The following SSBP2 variants were observed in gnomAD, a reference collection of about 807,000 sequenced individuals.
SSBP2 encodes single stranded DNA binding protein 2, also known as single-stranded DNA-binding protein 2.
SSBP2 carries 17 observed loss-of-function variants against 61.8 expected under a neutral mutation model. The observed-to-expected ratio is 0.28, with a 90% confidence interval of 0.19 to 0.41. SSBP2 has a LOEUF of 0.41. Among genes scored for constraint, SSBP2 ranks in the 10% least tolerant of loss-of-function variants. The pLI is 1.00. For synonymous variants in SSBP2, 139 were observed against 141.3 expected (o/e 0.98, Z 0.12); for missense variants, 310 against 458.7 (o/e 0.68, Z 2.96).
chr5:81,613,194 A>G (rs1017110155), intron 4 of SSBP2, among the ~76,000 whole-genome samples: 4 of 152,196 alleles, frequency 2.6e-5, no homozygotes, highest in Non-Finnish European at 5.9e-5. Context: ...CTTAAAACTA[A>G]TATTTAAATT....
At chr5:81,554,029 T>C (rs1772405592) in intron 4 of SSBP2, among the ~76,000 whole-genome samples, 1 of 152,088 alleles carries the variant, frequency 6.6e-6, no homozygotes, top group Non-Finnish European at 1.5e-5. Flanking sequence ...CATTAGAGAC[T>C]TCCTGAATAA....
At chr5:81,523,422 A>C (rs569120352) in intron 4 of SSBP2, among the ~76,000 whole-genome samples, 2 of 152,132 alleles carry the variant, frequency 1.3e-5, no homozygotes, top group Non-Finnish European at 2.9e-5. Context: ...TTGTTTCGAG[A>C]AAAAAATCTC....
intron 6 of SSBP2, among the ~76,000 whole-genome samples, chr5:81,488,251 T>C (rs1269333692): frequency 6.6e-6 from 1 of 151,504 alleles, no homozygotes; most frequent in East Asian, 2.0e-4. Context: ...ATGGGATTGC[T>C]GTATCGTATG....
At chr5:81,440,385 A>G (rs1387028131) in intron 14 of SSBP2, among the ~76,000 whole-genome samples, 173 bp downstream of exon 14, 2 of 152,250 alleles carry the variant, frequency 1.3e-5, no homozygotes, top group African/African-American at 4.8e-5. Flanking sequence ...TCTTCAAGTG[A>G]TCTACAGTTA....
chr5:81,670,097 T>C (rs1193706610), intron 1 of SSBP2, among the ~76,000 whole-genome samples: 1 of 152,134 alleles, frequency 6.6e-6, no homozygotes, highest in Non-Finnish European at 1.5e-5. Context: ...ATACATGCCA[T>C]CATGTGTTTG....
In SSBP2 at chr5:81,417,770, C is replaced by G. The variant is rs1761375048; in HGVS notation, c.*2734G>C. ...TTCTGGGTTTCTTGGATACAATTTT[C>G]TCCTCAAAAATAATTTTTCAACTAT... On this transcript the variant is annotated 3_prime_UTR_variant, in exon 17 of 17. Transcript: ENST00000320672. The G allele has an allele frequency of 6.6e-6, 1 of 151,996 alleles. No homozygotes were observed. Among genetic ancestry groups the G allele is most frequent in the Admixed American group, 6.6e-5 (1 of 15,262 alleles). The allele number at this position is 151,996 out of a possible 1,614,324, so 9.4% of individuals were successfully genotyped here.
chr5:81,707,842 T>C (rs1335238741), intron 1 of SSBP2, among the ~76,000 whole-genome samples: 1 of 152,148 alleles, frequency 6.6e-6, no homozygotes, highest in Non-Finnish European at 1.5e-5. Flanking sequence ...AACTTAACAA[T>C]GTGTGGGAAA....
chr5:81,542,015 C>T (rs1345433730), intron 4 of SSBP2, among the ~76,000 whole-genome samples: 2 of 152,116 alleles, frequency 1.3e-5, no homozygotes, highest in African/African-American at 2.4e-5. Context: ...TTCACAAACT[C>T]TGCATTCAAC....
At chr5:81,540,873 G>T (rs1771211227) in intron 4 of SSBP2, among the ~76,000 whole-genome samples, 1 of 151,676 alleles carries the variant, frequency 6.6e-6, no homozygotes, top group Non-Finnish European at 1.5e-5. Context: ...CAATATTAAG[G>T]GTTAAATATT....
chr5:81,546,090 C>T (rs577525429), intron 4 of SSBP2, among the ~76,000 whole-genome samples: 10 of 152,240 alleles, frequency 6.6e-5, no homozygotes, highest in Admixed American at 5.9e-4. Context: ...AGAACAATGG[C>T]TATCATTTAT....
chr5:81,522,642 C>A (rs973710333), intron 4 of SSBP2, among the ~76,000 whole-genome samples: 1 of 151,958 alleles, frequency 6.6e-6, no homozygotes, highest in Non-Finnish European at 1.5e-5. Context: ...CTATGAAGAA[C>A]AAGTTTTTCT....
At chr5:81,461,209 G>C in intron 9 of SSBP2, 106 bp from the exon 10 acceptor site, 1 of 805,086 alleles carries the variant, frequency 1.2e-6, no homozygotes, top group Non-Finnish European at 1.8e-6. Flanking sequence ...TTACTATGCA[G>C]TTCTAGTTTG....
chr5:81,442,961 T>A (rs375200170), intron 12 of SSBP2: 3 of 296,200 alleles, frequency 1.0e-5, no homozygotes, highest in African/African-American at 6.5e-5. Flanking sequence ...AAAGGATTAT[T>A]AGAAATTTAA....
intron 5 of SSBP2, among the ~76,000 whole-genome samples, chr5:81,509,586 A>T (rs1561484403): frequency 6.6e-6 from 1 of 152,198 alleles, no homozygotes; most frequent in Non-Finnish European, 1.5e-5. Context: ...TAATAATATA[A>T]TATGTCTTTT....
intron 4 of SSBP2, among the ~76,000 whole-genome samples, chr5:81,587,462 T>C (rs952669325): frequency 6.6e-6 from 1 of 152,136 alleles, no homozygotes; most frequent in Non-Finnish European, 1.5e-5. Context: ...TTGGGCACGG[T>C]GGTTCACGCG....
At chr5:81,504,698 CAT>C (rs1768046236) in intron 5 of SSBP2, among the ~76,000 whole-genome samples, 1 of 152,180 alleles carries the variant, frequency 6.6e-6, no homozygotes, top group African/African-American at 2.4e-5. Flanking sequence ...TCACAACTAA[CAT>C]ATCACATATT....
intron 4 of SSBP2, among the ~76,000 whole-genome samples, chr5:81,537,434 C>T (rs1182629676): frequency 6.6e-6 from 1 of 152,132 alleles, no homozygotes; most frequent in African/African-American, 2.4e-5. Context: ...TCATGAGAAA[C>T]AGGAGACAGC....
At chr5:81,597,401 C>T (rs1743877897) in intron 4 of SSBP2, among the ~76,000 whole-genome samples, 1 of 152,214 alleles carries the variant, frequency 6.6e-6, no homozygotes, top group Non-Finnish European at 1.5e-5. Context: ...CACTTTTACA[C>T]TGTTGGTGGG....
chr5:81,750,988 G>T lies in SSBP2; in HGVS notation c.55C>A (p.Arg19=). The change falls in exon 1 of 17, where the codon CGG becomes AGG. Residue 19 remains arginine (R), a synonymous_variant. Coordinates refer to ENST00000320672, the MANE Select transcript of SSBP2 (RefSeq NM_012446.5). ...AGAAGCGGAGACACTTACTTCTCCCGGGCCTGGCTGTCGGACGGGACGGCG... is the reference window on the plus strand; with the variant it reads ...AGAAGCGGAGACACTTACTTCTCCCTGGCCTGGCTGTCGGACGGGACGGCG... The T allele has an allele frequency of 1.3e-6, 2 of 1,596,698 alleles. No homozygotes were observed. Among genetic ancestry groups the T allele is most frequent in the Non-Finnish European group, 1.7e-6 (2 of 1,171,774 alleles).
Sources: gnomAD v4.1 joint callset for allele counts (sites outside exome capture counted in the v4.1 genomes callset) on GRCh38, gnomAD v4.1.1 for gene constraint, MANE v1.5 for transcripts, NCBI Gene and HGNC (gene_info 2026-07-23, HGNC 2026-07-21) for gene names.